Variants in ACTL8 observed in about 807,000 individuals in gnomAD.
The protein encoded by ACTL8 is actin like 8, also known as actin-like protein 8.
A neutral mutation model predicts 9.3 loss-of-function variants in ACTL8; 3 were observed. That is an observed-to-expected ratio of 0.32 (90% CI 0.15 to 0.83). ACTL8 has a LOEUF of 0.83. Among genes scored for constraint, ACTL8 ranks in the 40% least tolerant of loss-of-function variants. The probability of loss-of-function intolerance (pLI) is 0.57; values close to 1 mark genes in which losing one functional copy is unlikely to be tolerated. For synonymous variants in ACTL8, 224 were observed against 205.9 expected (o/e 1.09, Z -0.75); for missense variants, 381 against 492.2 (o/e 0.77, Z 2.14).
At chr1:17,791,163 A>G (rs116831512) in intron 1 of ACTL8, among the ~76,000 whole-genome samples, 6,020 of 152,188 alleles carry the variant, frequency 0.04, 405 homozygotes, top group African/African-American at 0.14. Context: ...GCCATAGTTC[A>G]GACAGCTGCA....
In ACTL8 at chr1:17,827,045, A is replaced by G. The variant is rs1427259704; in HGVS notation, c.*526A>G. 6.6e-6 allele frequency: 1 copy of G among 152,500 alleles called. No individual in the cohort carries two copies. The highest frequency in any genetic ancestry group is 1.5e-5 in the Non-Finnish European group (1 of 68,266). The allele number at this position is 152,500 out of a possible 1,614,324, so 9.4% of individuals were successfully genotyped here. On this transcript the variant is annotated 3_prime_UTR_variant, in exon 3 of 3. Coordinates refer to ENST00000375406, the MANE Select transcript of ACTL8 (RefSeq NM_030812.3). ...GATCTTGTTTTATATCTGCAAATAA[A>G]TAGCTTGTTTGGAAGCAATGCTGGC...
At chr1:17,778,019 T>C (rs928146619) in intron 1 of ACTL8, among the ~76,000 whole-genome samples, 1 of 152,162 alleles carries the variant, frequency 6.6e-6, no homozygotes, top group Non-Finnish European at 1.5e-5. Flanking sequence ...TTCTCTTGGG[T>C]TCCTTGTCAT....
At chr1:17,791,040 G>A (rs767438657) in intron 1 of ACTL8, among the ~76,000 whole-genome samples, 7 of 152,148 alleles carry the variant, frequency 4.6e-5, no homozygotes, top group Non-Finnish European at 7.4e-5. Flanking sequence ...GGGGGGAGGG[G>A]GCCTTCCTGG....
chr1:17,806,924 T>C (rs529540977), intron 1 of ACTL8, among the ~76,000 whole-genome samples: 1 of 152,322 alleles, frequency 6.6e-6, no homozygotes, highest in South Asian at 2.1e-4. Context: ...CCCACTGGGC[T>C]ACAGTCAAGG....
rs900412317 is a variant in ACTL8, at chr1:17,816,235, CAT to C, written c.-24-6748_-24-6747del. On this transcript the variant is annotated intron_variant, in intron 1 of 2. Coordinates refer to ENST00000375406, the MANE Select transcript of ACTL8 (RefSeq NM_030812.3). ...TTTTTTTGAGACCAGGTTTTGCTCC[CAT>C]AGTCTCTAGGCTGAAGTGCAGTGGT... 1.1e-3 allele frequency among the ~76,000 whole-genome samples: 166 copies of C among 148,770 alleles called. 1 individual carries two copies. The highest frequency in any genetic ancestry group is 4.1e-3 in the African/African-American group (162 of 39,150).
chr1:17,819,285 G>A (rs2053625659), intron 1 of ACTL8, among the ~76,000 whole-genome samples: 1 of 152,236 alleles, frequency 6.6e-6, no homozygotes, highest in Non-Finnish European at 1.5e-5. Flanking sequence ...CTGTCACTCT[G>A]GATGATTGAG....
At chr1:17,822,041 C>A (rs765562213) in intron 1 of ACTL8, among the ~76,000 whole-genome samples, 1 of 152,180 alleles carries the variant, frequency 6.6e-6, no homozygotes, top group Non-Finnish European at 1.5e-5. Flanking sequence ...CTGCTGTTCT[C>A]CCCACTTTAC....
At chr1:17,799,488 T>C (rs2066305070) in intron 1 of ACTL8, among the ~76,000 whole-genome samples, 1 of 152,108 alleles carries the variant, frequency 6.6e-6, no homozygotes. Flanking sequence ...GGTTTCTAAG[T>C]TCGTTCCATG....
chr1:17,796,917 G>C (rs2066281583), intron 1 of ACTL8, among the ~76,000 whole-genome samples: 1 of 152,244 alleles, frequency 6.6e-6, no homozygotes, highest in South Asian at 2.1e-4. Flanking sequence ...AAGTGGGCCA[G>C]CCCTGAGGGC....
At chr1:17,765,354 C>T (rs2066036938) in intron 1 of ACTL8, among the ~76,000 whole-genome samples, 1 of 152,156 alleles carries the variant, frequency 6.6e-6, no homozygotes, top group Non-Finnish European at 1.5e-5. Context: ...GGCATGGAGG[C>T]CGCACTGTCC....
At chr1:17,772,912 GA>G (rs58426757) in intron 1 of ACTL8, among the ~76,000 whole-genome samples, 8 of 148,328 alleles carry the variant, frequency 5.4e-5, no homozygotes, top group African/African-American at 7.5e-5. Context: ...AAGAGGAAAG[GA>G]AAAAAAAAAG....
At chr1:17,805,377 C>CTTTTTTTTTTTTTTTTTTT (rs56870755) in intron 1 of ACTL8, among the ~76,000 whole-genome samples, 1 of 100,198 alleles carries the variant, frequency 1.0e-5, no homozygotes, top group Non-Finnish European at 2.0e-5. Flanking sequence ...TTTTCTTTTT[C>CTTTTTTTTTTTTTTTTTTT]TTTTTTTTTT....
intron 1 of ACTL8, among the ~76,000 whole-genome samples, chr1:17,794,634 TTTCTC>T (rs1165117223): frequency 1.3e-5 from 2 of 152,246 alleles, no homozygotes; most frequent in African/African-American, 4.8e-5. Flanking sequence ...TTTTACTACT[TTTCTC>T]TTTGCATAAT....
At chr1:17,778,116 T>C (rs2066129775) in intron 1 of ACTL8, among the ~76,000 whole-genome samples, 3 of 152,244 alleles carry the variant, frequency 2.0e-5, no homozygotes, top group Admixed American at 1.3e-4. Context: ...TCTGCTCGTC[T>C]TAACCAGTTT....
In ACTL8 at chr1:17,823,574, T is replaced by C. The variant is rs544781668; in HGVS notation, c.348+218T>C. On this transcript the variant is annotated intron_variant, in intron 2 of 2. Transcript: ENST00000375406. This position sits in a 1 kb window ranked among gnomAD's most constrained non-coding sequence, Gnocchi z 5.3. ...CCTGGGCAATATAGTGAGACCCCTG[T>C]CTCTATAAAAAATACAAAAATTAGC... Among the ~76,000 whole-genome samples, 1 of 152,004 alleles carries C rather than the reference T, an allele frequency of 6.6e-6. No homozygotes were observed. The highest frequency in any genetic ancestry group is 1.9e-4 in the East Asian group (1 of 5,154).
intron 1 of ACTL8, among the ~76,000 whole-genome samples, chr1:17,796,594 C>T (rs1042555093): frequency 7.5e-4 from 114 of 152,332 alleles, no homozygotes; most frequent in African/African-American, 2.7e-3. Context: ...CTCAGCTTTG[C>T]CCTCCACCCC....
intron 1 of ACTL8, among the ~76,000 whole-genome samples, chr1:17,771,427 T>C (rs2066082522): frequency 6.6e-6 from 1 of 152,236 alleles, no homozygotes; most frequent in Admixed American, 6.5e-5. Context: ...ATGCCTATTA[T>C]GTGTTTATTA....
intron 1 of ACTL8, among the ~76,000 whole-genome samples, chr1:17,804,699 C>A (rs535970868): frequency 3.0e-4 from 45 of 152,118 alleles, no homozygotes; most frequent in African/African-American, 8.4e-4. Flanking sequence ...CCTCTGCAAC[C>A]TCTGCCTCCT....
intron 1 of ACTL8, among the ~76,000 whole-genome samples, chr1:17,813,869 A>G (rs1229224212): frequency 2.6e-5 from 4 of 152,196 alleles, no homozygotes; most frequent in Middle Eastern, 3.2e-3. Flanking sequence ...GGATTTATCT[A>G]TTTTACCTAA....
Sources: gnomAD v4.1 joint callset for allele counts (sites outside exome capture counted in the v4.1 genomes callset) on GRCh38, gnomAD v4.1.1 for gene constraint, Gnocchi (gnomAD v3.1) non-coding constraint, MANE v1.5 for transcripts, NCBI Gene and HGNC (gene_info 2026-07-23, HGNC 2026-07-21) for gene names.